The following TRPM6 variants were observed in gnomAD, a reference collection of about 807,000 sequenced individuals.
TRPM6 encodes transient receptor potential cation channel subfamily M member 6.
Under a neutral mutation model 247.6 loss-of-function variants are expected in TRPM6, and 111 were observed. The ratio of observed to expected loss-of-function variants is 0.45; its 90% confidence interval spans 0.38 to 0.52. TRPM6 has a LOEUF of 0.52. Among genes scored for constraint, TRPM6 ranks in the 20% least tolerant of loss-of-function variants. The pLI is 0.00. For missense variants in TRPM6, 2,126 were observed against 2,421.5 expected, an observed-to-expected ratio of 0.88 and a Z score of 2.56; for synonymous variants, 892 against 853.8, an observed-to-expected ratio of 1.04 and a Z score of -0.78.
chr9:74,800,521 T>C (rs750401661), intron 16 of TRPM6, 39 bp from the exon 17 acceptor site: 1 of 1,358,814 alleles, frequency 7.4e-7, no homozygotes, highest in Non-Finnish European at 1.1e-6. Context: ...CAAAGGCAGG[T>C]GAGAGAGCTG....
At chr9:74,764,201 C>T (rs1826752184) in intron 25 of TRPM6, among the ~76,000 whole-genome samples, 2 of 151,632 alleles carry the variant, frequency 1.3e-5, no homozygotes, top group South Asian at 4.2e-4. Context: ...TTGTAATTAT[C>T]TCTGTATGTG....
At chr9:74,815,522 A>G (rs1040046422) in intron 11 of TRPM6, among the ~76,000 whole-genome samples, 2 of 152,192 alleles carry the variant, frequency 1.3e-5, no homozygotes, top group African/African-American at 4.8e-5. Flanking sequence ...GACATAGAAG[A>G]CATGCCCTCT....
chr9:74,820,424 C>A lies in TRPM6; in HGVS notation c.1014G>T (p.Met338Ile), dbSNP rs56155062. The change falls in exon 9 of 39, where the codon ATG (methionine) becomes ATT (isoleucine). Residue 338 changes from methionine (M) to isoleucine (I), a missense_variant. By Grantham distance (10) the Met-to-Ile change is conservative. Transcript: ENST00000360774. ...FTHKHLADEGMLRPQVKEEII... is the reference protein window; with the variant it reads ...FTHKHLADEGILRPQVKEEII... ...TCTCCTCTTTCACCTGAGGTCGCAG[C>A]ATCCTGGAAGAGAAATAAATGGTCT... 2.2e-3 allele frequency: 3,610 copies of A among 1,614,030 alleles called. 9 individuals carry two copies. Among genetic ancestry groups the A allele is most frequent in the Non-Finnish European group, 2.7e-3 (3,199 of 1,180,008 alleles).
At chr9:74,732,003 T>C (rs1371478668) in intron 37 of TRPM6, among the ~76,000 whole-genome samples, 1 of 152,164 alleles carries the variant, frequency 6.6e-6, no homozygotes, top group African/African-American at 2.4e-5. Context: ...GATCAGTGTT[T>C]AACCCTCACT....
intron 36 of TRPM6, chr9:74,737,414 A>C: frequency 7.8e-7 from 1 of 1,289,798 alleles, no homozygotes; most frequent in Non-Finnish European, 1.0e-6. Flanking sequence ...CCAACCTCCA[A>C]GCCTGGCTTT....
intron 6 of TRPM6, among the ~76,000 whole-genome samples, chr9:74,830,823 G>A (rs571784133): frequency 4.7e-5 from 6 of 126,620 alleles, no homozygotes; most frequent in South Asian, 2.5e-4. Context: ...TCTCAAACTC[G>A]TGAGCTCAAG....
Position 74,820,320 on chromosome 9 carries a change from A to G in TRPM6, c.1118T>C (p.Met373Thr). ...KHLFQILMEC[M>T]VHRDCITIFD... ...CATACTCACACAATCCCTGTGAACCATACACTCCATTAGAATTTGGAAAAG... is the reference window on the plus strand; with the variant it reads ...CATACTCACACAATCCCTGTGAACCGTACACTCCATTAGAATTTGGAAAAG... Residue 373 changes from methionine (M) to threonine (T), a missense_variant, in exon 9 of 39, where the codon ATG becomes ACG. Physicochemically the swap from Met to Thr is moderately conservative, Grantham distance 81. Around this residue, in one of 3 missense-constraint regions of TRPM6, gnomAD observed 1,082 missense variants for 1,307.9 expected, o/e 0.83. Transcript: ENST00000360774. The G allele has an allele frequency of 6.2e-7, 1 of 1,614,080 alleles. No homozygotes were observed. The highest frequency in any genetic ancestry group is 8.5e-7 in the Non-Finnish European group (1 of 1,179,988).
At chr9:74,771,286 T>A (rs749776210) in intron 25 of TRPM6, among the ~76,000 whole-genome samples, 1 of 152,258 alleles carries the variant, frequency 6.6e-6, no homozygotes, top group Non-Finnish European at 1.5e-5. Context: ...CATCATTTCC[T>A]GTTCTCTCCA....
chr9:74,762,990 A>G lies in TRPM6; in HGVS notation c.3681T>C (p.Ala1227=), dbSNP rs570955795. The change falls in exon 26 of 39, where the codon GCT becomes GCC. Residue 1227 remains alanine (A), a synonymous_variant. Transcript: ENST00000360774. ...LTVDTLKVLS[A]VDTLQEDEAL... ...CCTCATCCTCTTGCAAAGTGTCAAC[A>G]GCAGAAAGGACTTTCAGGGTATCCA... The G allele has an allele frequency of 1.1e-4, 180 of 1,612,740 alleles. 3 individuals are homozygous for G. The South Asian group carries it at 1.8e-3, about 16-fold the overall frequency.
At chr9:74,740,082 C>T in intron 33 of TRPM6, 73 bp from the exon 34 acceptor site, 1 of 1,531,992 alleles carries the variant, frequency 6.5e-7, no homozygotes, top group East Asian at 2.3e-5. Flanking sequence ...TCCTAAATAT[C>T]AATGCAGAAT....
intron 1 of TRPM6, among the ~76,000 whole-genome samples, chr9:74,880,812 A>G (rs905898097): frequency 2.0e-5 from 3 of 152,218 alleles, no homozygotes; most frequent in Non-Finnish European, 4.4e-5. Flanking sequence ...TGTTACCACT[A>G]CAGAATACCA....
In TRPM6 at chr9:74,766,189, T is replaced by C. The variant is rs532304355; in HGVS notation, c.3537-3055A>G. Among the ~76,000 whole-genome samples, 3 of 152,290 alleles carry C rather than the reference T, an allele frequency of 2.0e-5. No homozygotes were observed. The South Asian group carries it at 6.2e-4, about 32-fold the overall frequency. On this transcript the variant is annotated intron_variant, in intron 25 of 38. Transcript: ENST00000360774. ...CAACTATTCACAGCCACAGGTAACA[T>C]GCTACAATAGAAACCTGTTAGACAA...
chr9:74,747,992 TG>T (rs1411715513), intron 30 of TRPM6, 78 bp from the exon 31 acceptor site: 4 of 1,276,772 alleles, frequency 3.1e-6, no homozygotes, highest in Non-Finnish European at 4.6e-6. Context: ...AAACAGCACA[TG>T]GAACAGTAAC....
At chr9:74,877,016 A>G (rs577947567) in intron 1 of TRPM6, among the ~76,000 whole-genome samples, 3 of 152,356 alleles carry the variant, frequency 2.0e-5, no homozygotes, top group East Asian at 3.9e-4. Context: ...CATAAGGGAA[A>G]TGCAAAACCA....
chr9:74,795,184 G>A (rs756263578), intron 18 of TRPM6, among the ~76,000 whole-genome samples: 5 of 151,940 alleles, frequency 3.3e-5, no homozygotes, highest in South Asian at 2.1e-4. Flanking sequence ...ACTGACTCTC[G>A]TTAAAGGACT....
At chr9:74,862,667 C>T (rs114829891) in intron 1 of TRPM6, among the ~76,000 whole-genome samples, 1 of 152,072 alleles carries the variant, frequency 6.6e-6, no homozygotes, top group African/African-American at 2.4e-5. Context: ...GGTAATTTTA[C>T]ACAATATTTT....
At chr9:74,868,143 C>A (rs1830911989) in intron 1 of TRPM6, among the ~76,000 whole-genome samples, 2 of 146,260 alleles carry the variant, frequency 1.4e-5, no homozygotes, top group Non-Finnish European at 3.0e-5. Flanking sequence ...GAGCGAGACT[C>A]CGCAAAAAAA....
Position 74,723,817 on chromosome 9 carries a change from T to C in TRPM6, c.*796A>G, listed in dbSNP as rs1375722251. On this transcript the variant is annotated 3_prime_UTR_variant, in exon 39 of 39. Coordinates refer to ENST00000360774, the MANE Select transcript of TRPM6 (RefSeq NM_017662.5). The stretch of plus-strand genomic sequence containing the variant: ...CATCTCAAAAATAAAAATATATATA[T>C]ATATATATAAAATATATATATTCCA... The C allele has an allele frequency of 6.8e-6, 1 of 146,104 alleles. No individual in the cohort carries two copies. The highest frequency in any genetic ancestry group is 1.5e-5 in the Non-Finnish European group (1 of 66,910). The allele number at this position is 146,104 out of a possible 1,614,324, so 9.1% of individuals were successfully genotyped here.
chr9:74,860,163 A>G (rs1026580493), intron 1 of TRPM6, among the ~76,000 whole-genome samples: 3 of 152,162 alleles, frequency 2.0e-5, no homozygotes, highest in Admixed American at 1.3e-4. Flanking sequence ...TCTTACCTAT[A>G]AACAAGGAAA....
Sources: gnomAD v4.1 joint callset for allele counts (sites outside exome capture counted in the v4.1 genomes callset) on GRCh38, gnomAD v4.1.1 for gene constraint, gnomAD v4.1.1 regional missense constraint, MANE v1.5 for transcripts, NCBI Gene and HGNC (gene_info 2026-07-23, HGNC 2026-07-21) for gene names.